SYT16: variants seen among roughly 807,000 people sequenced by gnomAD.
SYT16 encodes synaptotagmin 16.
A neutral mutation model predicts 61.4 loss-of-function variants in SYT16; 42 were observed. The ratio of observed to expected loss-of-function variants is 0.68; its 90% CI spans 0.53 to 0.89. SYT16 has a LOEUF of 0.89. Among genes scored for constraint, SYT16 ranks in the 40% least tolerant of loss-of-function variants. SYT16 has a pLI of 0.00. For missense variants in SYT16, 804 were observed against 807.3 expected, an observed-to-expected ratio of 1.00 and a Z score of 0.05; for synonymous variants, 314 against 302.3, an observed-to-expected ratio of 1.04 and a Z score of -0.40.
At chr14:61,852,941 T>G (rs1000991092) in intron 1 of SYT16, among the ~76,000 whole-genome samples, 1 of 152,172 alleles carries the variant, frequency 6.6e-6, no homozygotes, top group African/African-American at 2.4e-5. Flanking sequence ...TGTTTTGAGA[T>G]GGAGTCTCAC....
rs755013221 is a variant in SYT16, at chr14:62,084,224, C to G, written c.1463C>G (p.Ala488Gly). 4 of 1,613,808 alleles carry G rather than the reference C, an allele frequency of 2.5e-6. No individual in the cohort carries two copies. Among genetic ancestry groups the G allele is most frequent in the Non-Finnish European group, 3.4e-6 (4 of 1,179,812 alleles). Residue 488 changes from alanine (A) to glycine (G), a missense_variant, in exon 7 of 8, where the codon GCG (alanine) becomes GGG (glycine). Physicochemically the swap from Ala to Gly is moderately conservative, Grantham distance 60. Coordinates refer to ENST00000683842, the MANE Select transcript of SYT16 (RefSeq NM_001367656.1). ...SSGGSPLSPS[A>G]VSHSDSTSST... ...GGAGGGTCTCCGCTCAGCCCATCTGCGGTTTCTCACAGTGATAGTACTTCA... is the reference window on the plus strand; with the variant it reads ...GGAGGGTCTCCGCTCAGCCCATCTGGGGTTTCTCACAGTGATAGTACTTCA...
intron 1 of SYT16, among the ~76,000 whole-genome samples, chr14:61,840,016 A>C (rs888878120): frequency 1.3e-5 from 2 of 152,058 alleles, no homozygotes; most frequent in Non-Finnish European, 2.9e-5. Flanking sequence ...CAGGGGCTGA[A>C]CTCAGACAAT....
chr14:61,936,051 A>G (rs2049968583), intron 1 of SYT16, among the ~76,000 whole-genome samples: 1 of 152,186 alleles, frequency 6.6e-6, no homozygotes, highest in Non-Finnish European at 1.5e-5. Context: ...CTTCTTTAGA[A>G]AAAAAACCTC....
chr14:62,027,035 ATGTCTTCAT>A (rs1476634442), intron 3 of SYT16, among the ~76,000 whole-genome samples: 12 of 152,184 alleles, frequency 7.9e-5, no homozygotes, highest in Non-Finnish European at 1.2e-4. Context: ...TATGATGCTG[ATGTCTTCAT>A]TGCGAATTTT....
At chr14:61,823,683 T>C (rs59879128) in intron 1 of SYT16, among the ~76,000 whole-genome samples, 21,161 of 146,872 alleles carry the variant, frequency 0.14, 1,598 homozygotes, top group African/African-American at 0.2. Flanking sequence ...GCCTGGGAGG[T>C]GAAGGTTGCA....
At chr14:61,911,192 A>G (rs1356147630) in intron 1 of SYT16, among the ~76,000 whole-genome samples, 1 of 152,250 alleles carries the variant, frequency 6.6e-6, no homozygotes, top group Non-Finnish European at 1.5e-5. Context: ...CTAGGTAACT[A>G]GATAACCCTG....
intron 1 of SYT16, among the ~76,000 whole-genome samples, chr14:61,892,357 C>T (rs568848080): frequency 6.6e-6 from 1 of 152,246 alleles, no homozygotes; most frequent in African/African-American, 2.4e-5. Flanking sequence ...ACACCTCATG[C>T]TCCTTTCTCT....
At chr14:62,066,657 ATTC>A (rs1225542339) in intron 3 of SYT16, among the ~76,000 whole-genome samples, 1 of 152,226 alleles carries the variant, frequency 6.6e-6, no homozygotes, top group Non-Finnish European at 1.5e-5. Flanking sequence ...GAACAACCAT[ATTC>A]TTCTCTGGAA....
At chr14:61,916,556 T>G (rs1436641126) in intron 1 of SYT16, among the ~76,000 whole-genome samples, 3 of 152,208 alleles carry the variant, frequency 2.0e-5, no homozygotes, top group African/African-American at 7.2e-5. Context: ...CAGATATCTA[T>G]CACCTCAAAC....
intron 1 of SYT16, among the ~76,000 whole-genome samples, chr14:61,852,109 G>C (rs1180617394): frequency 6.6e-6 from 1 of 152,102 alleles, no homozygotes; most frequent in Non-Finnish European, 1.5e-5. Flanking sequence ...GTTTAAGGAA[G>C]GGTTCCCATT....
chr14:62,067,778 A>G (rs2140936339), intron 3 of SYT16, among the ~76,000 whole-genome samples: 1 of 152,174 alleles, frequency 6.6e-6, no homozygotes, highest in Non-Finnish European at 1.5e-5. Flanking sequence ...CCTGACCAAC[A>G]TGGTGAAACC....
In SYT16 at chr14:61,928,881, A is replaced by G. The variant is rs145827442; in HGVS notation, c.-324-41251A>G. ...GGATAAAAGCACGTCCCAAAGCACCATCTCCTGCAGGAAGAAAGGTGATTT... is the reference window on the plus strand; with the variant it reads ...GGATAAAAGCACGTCCCAAAGCACCGTCTCCTGCAGGAAGAAAGGTGATTT... On this transcript the variant is annotated intron_variant, in intron 1 of 7. Coordinates refer to ENST00000683842, the MANE Select transcript of SYT16 (RefSeq NM_001367656.1). 8.7e-3 allele frequency among the ~76,000 whole-genome samples: 1,325 copies of G among 152,300 alleles called. 9 individuals carry two copies. Among genetic ancestry groups the G allele is most frequent in the Middle Eastern group, 0.031 (9 of 294 alleles).
At chr14:61,815,563 G>T (rs944101576) in intron 1 of SYT16, among the ~76,000 whole-genome samples, 2 of 152,120 alleles carry the variant, frequency 1.3e-5, no homozygotes, top group African/African-American at 4.8e-5. Context: ...TAAAATATTT[G>T]CCTGGAAACT....
intron 1 of SYT16, among the ~76,000 whole-genome samples, chr14:61,885,079 G>A (rs1205914634): frequency 6.6e-6 from 1 of 152,124 alleles, no homozygotes; most frequent in Non-Finnish European, 1.5e-5. Flanking sequence ...CTTCTTAGGT[G>A]CTGTTGCTTC....
intron 1 of SYT16, among the ~76,000 whole-genome samples, chr14:61,931,912 G>A (rs771935155): frequency 6.6e-6 from 1 of 152,208 alleles, no homozygotes; most frequent in Non-Finnish European, 1.5e-5. Context: ...AATGGTATTT[G>A]ATATGTATTA....
intron 7 of SYT16, among the ~76,000 whole-genome samples, chr14:62,090,953 A>G (rs372855178): frequency 1.3e-5 from 2 of 152,264 alleles, no homozygotes; most frequent in African/African-American, 2.4e-5. Context: ...TTTATTCACT[A>G]TCATGAGAAC....
At chr14:61,859,222 A>T (rs1380030163) in intron 1 of SYT16, among the ~76,000 whole-genome samples, 2 of 152,108 alleles carry the variant, frequency 1.3e-5, no homozygotes, top group African/African-American at 2.4e-5. Context: ...TAGACAGCCA[A>T]CCTGGGAGCT....
At chr14:61,889,823 C>G (rs2140334786) in intron 1 of SYT16, among the ~76,000 whole-genome samples, 1 of 152,050 alleles carries the variant, frequency 6.6e-6, no homozygotes, top group South Asian at 2.1e-4. Context: ...ATTACCCAGC[C>G]TCAGCATTCC....
chr14:61,875,102 T>G (rs1477479694), intron 1 of SYT16, among the ~76,000 whole-genome samples: 1 of 152,244 alleles, frequency 6.6e-6, no homozygotes, highest in African/African-American at 2.4e-5. Flanking sequence ...TCAGTCTACA[T>G]TTTGGCACAA....
Sources: gnomAD v4.1 joint callset for allele counts (sites outside exome capture counted in the v4.1 genomes callset) on GRCh38, gnomAD v4.1.1 for gene constraint, MANE v1.5 for transcripts, NCBI Gene and HGNC (gene_info 2026-07-23, HGNC 2026-07-21) for gene names.